PDE10A: variants seen among roughly 807,000 people sequenced by gnomAD.
The protein encoded by PDE10A is phosphodiesterase 10A.
PDE10A carries 39 observed loss-of-function variants against 97.7 expected under a neutral mutation model. The ratio of observed to expected loss-of-function variants is 0.40; its 90% confidence interval spans 0.31 to 0.52. The LOEUF (loss-of-function observed/expected upper bound fraction) is 0.52, where lower values mean the gene tolerates loss of function less well. PDE10A is among the 20% of genes least tolerant of loss of function. PDE10A has a pLI of 0.56. For synonymous variants in PDE10A, 371 were observed against 376.8 expected, an observed-to-expected ratio of 0.98 and a Z score of 0.18; for missense variants, 731 against 1,047.8, an observed-to-expected ratio of 0.70 and a Z score of 4.17.
At chr6:165,436,792 G>C (rs1177703867) in intron 5 of PDE10A, among the ~76,000 whole-genome samples, 1 of 152,048 alleles carries the variant, frequency 6.6e-6, no homozygotes, top group African/African-American at 2.4e-5. Flanking sequence ...AATTACATTA[G>C]GCACCAACAT....
intron 18 of PDE10A, among the ~76,000 whole-genome samples, chr6:165,353,453 G>A (rs540711602): frequency 6.6e-6 from 1 of 152,120 alleles, no homozygotes; most frequent in South Asian, 2.1e-4. Flanking sequence ...GCAGCTTTAC[G>A]AATAGTTGTC....
intron 3 of PDE10A, among the ~76,000 whole-genome samples, chr6:165,460,283 A>C (rs1191289469): frequency 6.6e-6 from 1 of 152,248 alleles, no homozygotes; most frequent in Non-Finnish European, 1.5e-5. Context: ...ACAAATACAT[A>C]CAGGAGTCAT....
chr6:165,531,843 A>C (rs1336649826), intron 2 of PDE10A, among the ~76,000 whole-genome samples: 1 of 152,212 alleles, frequency 6.6e-6, no homozygotes, highest in Non-Finnish European at 1.5e-5. Flanking sequence ...AATGTAGAAC[A>C]CCAACAGGCT....
chr6:165,815,800 C>G (rs188162334), intron 1 of PDE10A, among the ~76,000 whole-genome samples: 172 of 152,170 alleles, frequency 1.1e-3, no homozygotes, highest in African/African-American at 3.9e-3. Flanking sequence ...TTCCACTAGC[C>G]CATTCTGGTC....
intron 1 of PDE10A, among the ~76,000 whole-genome samples, chr6:165,692,340 G>A (rs899968142): frequency 6.6e-6 from 1 of 152,214 alleles, no homozygotes; most frequent in Admixed American, 6.5e-5. Flanking sequence ...TCAGATGAGA[G>A]GGGTGGGTGA....
At chr6:165,868,852 A>T (rs1056635333) in intron 1 of PDE10A, among the ~76,000 whole-genome samples, 3 of 124,706 alleles carry the variant, frequency 2.4e-5, no homozygotes, top group Non-Finnish European at 3.3e-5. Flanking sequence ...CAGGGATGCG[A>T]GGATGGTTCA....
rs1409429622 is a variant in PDE10A at position 165,514,763 on chromosome 6, G to C, written c.994+28677C>G. 3.9e-5 allele frequency among the ~76,000 whole-genome samples: 6 copies of C among 152,180 alleles called. No homozygotes were observed. The East Asian group carries it at 9.6e-4, about 24-fold the overall frequency. ...CCTCTGGACCAACTACTAGAGTCAGGGGGTACCGGAAGTAGCTCCAGGCCA... is the reference window on the plus strand; with the variant it reads ...CCTCTGGACCAACTACTAGAGTCAGCGGGTACCGGAAGTAGCTCCAGGCCA... On this transcript the variant is annotated intron_variant, in intron 2 of 21. Transcript: ENST00000539869.
intron 1 of PDE10A, among the ~76,000 whole-genome samples, chr6:165,600,870 C>A (rs924696860): frequency 6.6e-6 from 1 of 152,216 alleles, no homozygotes; most frequent in African/African-American, 2.4e-5. Context: ...ATTGTTCCTG[C>A]ACTCTTCCCT....
At chr6:165,943,283 G>T (rs533493079) in intron 1 of PDE10A, among the ~76,000 whole-genome samples, 10 of 121,396 alleles carry the variant, frequency 8.2e-5, no homozygotes, top group Admixed American at 3.2e-4. Context: ...AGGAAAGAAA[G>T]AAAGAAAGAA....
At chr6:165,503,714 C>T (rs548048011) in intron 2 of PDE10A, among the ~76,000 whole-genome samples, 1 of 152,280 alleles carries the variant, frequency 6.6e-6, no homozygotes, top group South Asian at 2.1e-4. Context: ...GATCAACCAA[C>T]TCTGGAAAAT....
upstream of PDE10A, among the ~76,000 whole-genome samples, chr6:165,663,853 C>CA (rs1359452776): frequency 1.3e-5 from 2 of 152,364 alleles, no homozygotes; most frequent in South Asian, 2.1e-4. Flanking sequence ...TGGACACCCC[C>CA]ACCCCCTTCC....
chr6:165,849,526 G>A (rs2128474602), intron 1 of PDE10A, among the ~76,000 whole-genome samples: 1 of 152,332 alleles, frequency 6.6e-6, no homozygotes, highest in South Asian at 2.1e-4. Flanking sequence ...TGACATATGT[G>A]GGTCTCCTGG....
intron 1 of PDE10A, among the ~76,000 whole-genome samples, chr6:165,710,274 G>A (rs1213469513): frequency 6.6e-6 from 1 of 152,104 alleles, no homozygotes; most frequent in African/African-American, 2.4e-5. Context: ...ACTGTATCTT[G>A]GTCCTAATTG....
chr6:165,418,404 G>A lies in PDE10A; in HGVS notation c.1796+231C>T, dbSNP rs1446656396. ...CATGATTTCCAAAAGGACCGCCTCCGGAAGACGGCATTTCCAGGAGTGACG... is the reference window on the plus strand; with the variant it reads ...CATGATTTCCAAAAGGACCGCCTCCAGAAGACGGCATTTCCAGGAGTGACG... On this transcript the variant is annotated intron_variant, in intron 11 of 21. Transcript: ENST00000539869. This position sits in a 1 kb window ranked among gnomAD's most constrained non-coding sequence, Gnocchi z 4.8. 2.0e-5 allele frequency among the ~76,000 whole-genome samples: 3 copies of A among 152,124 alleles called. No individual in the cohort carries two copies. Among genetic ancestry groups the A allele is most frequent in the East Asian group, 1.9e-4 (1 of 5,188 alleles).
At chr6:165,778,189 C>T (rs1180323693) in intron 1 of PDE10A, among the ~76,000 whole-genome samples, 2 of 152,064 alleles carry the variant, frequency 1.3e-5, no homozygotes, top group East Asian at 3.9e-4. Context: ...GTTCTCCTGC[C>T]TCTCCCGAGT....
At chr6:165,713,840 C>T (rs1320406714) in intron 1 of PDE10A, among the ~76,000 whole-genome samples, 2 of 152,206 alleles carry the variant, frequency 1.3e-5, no homozygotes, top group African/African-American at 4.8e-5. Context: ...GATTATATGA[C>T]AGTCAATTAT....
intron 1 of PDE10A, among the ~76,000 whole-genome samples, chr6:165,559,726 G>A (rs1030893456): frequency 4.6e-5 from 7 of 152,254 alleles, no homozygotes; most frequent in East Asian, 1.9e-4. Flanking sequence ...TAATTCCCAC[G>A]TGTTGCGGGA....
intron 1 of PDE10A, among the ~76,000 whole-genome samples, chr6:165,868,602 A>G (rs1023673512): frequency 6.6e-6 from 1 of 152,010 alleles, no homozygotes; most frequent in Non-Finnish European, 1.5e-5. Context: ...AATAAGACCA[A>G]TTCTTCTCAA....
At chr6:165,484,798 G>A (rs1267532965) in intron 2 of PDE10A, among the ~76,000 whole-genome samples, 1 of 152,096 alleles carries the variant, frequency 6.6e-6, no homozygotes, top group African/African-American at 2.4e-5. Context: ...CACTTATTTA[G>A]TCCACGTGTG....
Sources: allele counts gnomAD v4.1 joint callset (sites outside exome capture counted in the v4.1 genomes callset), GRCh38; gene constraint gnomAD v4.1.1; non-coding constraint Gnocchi (gnomAD v3.1); transcripts MANE v1.5; gene names NCBI Gene and HGNC (gene_info 2026-07-23, HGNC 2026-07-21).